HDAC9: variants seen among roughly 807,000 people sequenced by gnomAD.
HDAC9 encodes histone deacetylase 9, also known as MEF-2 interacting transcription repressor (MITR) protein.
A neutral mutation model predicts 139.4 loss-of-function variants in HDAC9; 41 were observed. That is an observed-to-expected ratio of 0.29 (90% CI 0.23 to 0.38). The LOEUF is 0.38. HDAC9 is among the 10% of genes least tolerant of loss of function. The probability of loss-of-function intolerance (pLI) is 1.00; values close to 1 mark genes in which losing one functional copy is unlikely to be tolerated. For missense variants in HDAC9, 1,147 were observed against 1,297.0 expected, an observed-to-expected ratio of 0.88 and a Z score of 1.78; for synonymous variants, 517 against 476.2, an observed-to-expected ratio of 1.09 and a Z score of -1.12.
At chr7:18,821,432 C>A (rs1050480337) in intron 17 of HDAC9, among the ~76,000 whole-genome samples, 1 of 152,144 alleles carries the variant, frequency 6.6e-6, no homozygotes, top group Non-Finnish European at 1.5e-5. Flanking sequence ...TGGAAGACAT[C>A]CCACATAGAA....
At chr7:18,987,100 C>G (rs1479161172) in intron 25 of HDAC9, among the ~76,000 whole-genome samples, 2 of 152,174 alleles carry the variant, frequency 1.3e-5, no homozygotes, top group African/African-American at 2.4e-5. Context: ...ACTTCCAACA[C>G]TATGTTGAAG....
chr7:18,391,192 CT>C (rs1786446707), intron 1 of HDAC9, among the ~76,000 whole-genome samples: 2 of 151,904 alleles, frequency 1.3e-5, no homozygotes, highest in African/African-American at 4.8e-5. Flanking sequence ...CGGGACCAGC[CT>C]GGCCAACATG....
intron 2 of HDAC9, among the ~76,000 whole-genome samples, chr7:18,181,517 T>A (rs1789426681): frequency 6.6e-6 from 1 of 152,204 alleles, no homozygotes; most frequent in Non-Finnish European, 1.5e-5. Flanking sequence ...ACTACAAGGA[T>A]TATGTGTAGT....
chr7:18,696,120 T>C (rs1293182127), intron 12 of HDAC9, among the ~76,000 whole-genome samples: 1 of 151,956 alleles, frequency 6.6e-6, no homozygotes, highest in African/African-American at 2.4e-5. Context: ...TTTTGTCTTT[T>C]CCTTAGTATT....
intron 2 of HDAC9, among the ~76,000 whole-genome samples, chr7:18,565,243 G>A (rs550420867): frequency 5.1e-4 from 77 of 152,242 alleles, no homozygotes; most frequent in Non-Finnish European, 8.7e-4. Context: ...TGGTCCGCCC[G>A]CCTCAGCCTC....
intron 2 of HDAC9, among the ~76,000 whole-genome samples, chr7:18,513,323 C>T (rs1438197709): frequency 1.3e-5 from 2 of 152,076 alleles, no homozygotes; most frequent in African/African-American, 4.8e-5. Flanking sequence ...CAAAAAATAA[C>T]TTGAGACCAA....
chr7:18,406,494 C>T (rs1283674705), intron 1 of HDAC9, among the ~76,000 whole-genome samples: 7 of 151,894 alleles, frequency 4.6e-5, no homozygotes, highest in East Asian at 3.9e-4. Context: ...CCCGGGTTTA[C>T]GCCATTTTCC....
rs1195468806 is a variant in HDAC9, at chr7:18,996,688, C to T, written c.*626C>T. The T allele has an allele frequency of 1.3e-5, 2 of 152,084 alleles. No individual in the cohort carries two copies. The highest frequency in any genetic ancestry group is 6.5e-5 in the Admixed American group (1 of 15,268). The allele number at this position is 152,084 out of a possible 1,614,324, so 9.4% of individuals were successfully genotyped here. ...TAGCATGAGGCTTTTTTCAGTATCT[C>T]GAAGTCCAAATGCCAAAGGAACCTC... On this transcript the variant is annotated 3_prime_UTR_variant, in exon 26 of 26. Coordinates refer to ENST00000686413, the MANE Select transcript of HDAC9 (RefSeq NM_178425.4).
At chr7:18,442,383 A>G (rs1007196988) in intron 1 of HDAC9, among the ~76,000 whole-genome samples, 1 of 152,162 alleles carries the variant, frequency 6.6e-6, no homozygotes, top group Admixed American at 6.5e-5. Flanking sequence ...ATTTGAGACA[A>G]TAGAAGTGAC....
chr7:18,718,455 A>G (rs945760790), intron 12 of HDAC9, among the ~76,000 whole-genome samples: 1 of 150,902 alleles, frequency 6.6e-6, no homozygotes, highest in Admixed American at 6.6e-5. Context: ...CTGGTCTCGA[A>G]CTCCTGAGGT....
Position 18,129,362 on chromosome 7 carries a change from G to C in HDAC9, c.-96-32867G>C, listed in dbSNP as rs1009187843. On this transcript the variant is annotated intron_variant, in intron 1 of 12. Coordinates refer to the HDAC9 transcript ENST00000417496. ...TATAATGTGTCTTTCTCTCATGCTA[G>C]ACTCTAAATTCATTGAGAGAGGACC... 4.6e-5 allele frequency among the ~76,000 whole-genome samples: 7 copies of C among 151,946 alleles called. 1 individual carries two copies. The highest frequency in any genetic ancestry group is 1.3e-4 in the Admixed American group (2 of 15,222).
chr7:18,127,089 C>G (rs890741152), intron 1 of HDAC9: 4 of 165,108 alleles, frequency 2.4e-5, no homozygotes, highest in Non-Finnish European at 5.9e-5. Flanking sequence ...AAAGAACTTG[C>G]ATAAGATCAT....
intron 1 of HDAC9, among the ~76,000 whole-genome samples, chr7:18,375,139 C>T (rs552323304): frequency 1.7e-4 from 26 of 152,336 alleles, no homozygotes; most frequent in South Asian, 8.3e-4. Context: ...ATGATAGCTT[C>T]ATGCATGTTA....
rs568544197 is a variant in HDAC9, at chr7:18,903,657, G to A, written c.2803+29061G>A. ...TCTTATCTTTGTGTCAGCTATTTAC[G>A]CCCATTTACTCCTCACTATCTTTCT... is the stretch of plus-strand genomic sequence containing the variant. On this transcript the variant is annotated intron_variant, in intron 22 of 25. Transcript: ENST00000686413. Among the ~76,000 whole-genome samples the A allele has an allele frequency of 6.6e-5, 10 of 152,148 alleles. No homozygotes were observed. The East Asian group carries it at 7.7e-4, about 12-fold the overall frequency.
At chr7:18,964,972 T>C (rs1381446460) in intron 24 of HDAC9, among the ~76,000 whole-genome samples, 4 of 152,072 alleles carry the variant, frequency 2.6e-5, no homozygotes. Flanking sequence ...GTAGGGAAAT[T>C]GAGATAAAAT....
intron 2 of HDAC9, among the ~76,000 whole-genome samples, chr7:18,247,827 A>C (rs952007823): frequency 2.0e-5 from 3 of 152,218 alleles, no homozygotes; most frequent in Non-Finnish European, 4.4e-5. Context: ...AACAGATCTG[A>C]GAGAAGATTC....
intron 12 of HDAC9, among the ~76,000 whole-genome samples, chr7:18,712,598 ACT>A (rs879895812): frequency 3.9e-5 from 6 of 152,170 alleles, no homozygotes; most frequent in Non-Finnish European, 8.8e-5. Context: ...TATGATGATG[ACT>A]CTGCTGAAGA....
chr7:18,822,618 G>T (rs868095376), intron 17 of HDAC9, among the ~76,000 whole-genome samples: 48 of 152,164 alleles, frequency 3.2e-4, no homozygotes, highest in African/African-American at 8.9e-4. Flanking sequence ...CTCCCAAAAT[G>T]CTGGGATTAC....
intron 1 of HDAC9, among the ~76,000 whole-genome samples, chr7:18,351,612 A>G (rs1782852976): frequency 6.6e-6 from 1 of 152,196 alleles, no homozygotes; most frequent in Non-Finnish European, 1.5e-5. Flanking sequence ...ACTGAAGTTG[A>G]ATCTCAGCTC....
Sources: gnomAD v4.1 joint callset for allele counts (sites outside exome capture counted in the v4.1 genomes callset) on GRCh38, gnomAD v4.1.1 for gene constraint, MANE v1.5 for transcripts, NCBI Gene and HGNC (gene_info 2026-07-23, HGNC 2026-07-21) for gene names.